DCDC2: variants seen among roughly 807,000 people sequenced by gnomAD.
The protein encoded by DCDC2 is doublecortin domain-containing protein 2.
DCDC2 carries 40 observed loss-of-function variants against 50.2 expected under a neutral mutation model. The ratio of observed to expected loss-of-function variants is 0.80; its 90% CI spans 0.62 to 1.04. The LOEUF is 1.04. Among genes scored for constraint, DCDC2 ranks in the 50% least tolerant of loss-of-function variants. The probability of loss-of-function intolerance (pLI) is 0.00; values close to 1 mark genes in which losing one functional copy is unlikely to be tolerated. For missense variants in DCDC2, 570 were observed against 581.9 expected (o/e 0.98, Z 0.21); for synonymous variants, 234 against 210.6 (o/e 1.11, Z -0.96).
At chr6:24,291,925 G>A (rs184138717) in intron 4 of DCDC2, among the ~76,000 whole-genome samples, 8 of 152,270 alleles carry the variant, frequency 5.3e-5, no homozygotes, top group Non-Finnish European at 1.2e-4. Context: ...AATGGGGTGA[G>A]AGGGCAGGAG....
intron 8 of DCDC2, among the ~76,000 whole-genome samples, chr6:24,200,447 C>T (rs930489891): frequency 3.9e-5 from 6 of 152,066 alleles, no homozygotes; most frequent in Non-Finnish European, 7.4e-5. Context: ...CCTTTACAGG[C>T]GAGTAAATCC....
chr6:24,298,018 T>A (rs1014592963), intron 4 of DCDC2, among the ~76,000 whole-genome samples: 3 of 152,226 alleles, frequency 2.0e-5, no homozygotes, highest in Admixed American at 6.5e-5. Context: ...GGTCCCCAAC[T>A]TTTTTAGCAC....
At chr6:24,235,380 T>C (rs1484740556) in intron 7 of DCDC2, among the ~76,000 whole-genome samples, 10 of 152,196 alleles carry the variant, frequency 6.6e-5, no homozygotes, top group African/African-American at 4.8e-5. Context: ...AAGGGTTCCA[T>C]AGATGTAAAA....
intron 7 of DCDC2, among the ~76,000 whole-genome samples, chr6:24,208,607 T>C (rs1229696677): frequency 1.3e-5 from 2 of 152,062 alleles, no homozygotes; most frequent in Non-Finnish European, 2.9e-5. Flanking sequence ...CAACCTCAGG[T>C]GATCCACCCT....
intron 2 of DCDC2, among the ~76,000 whole-genome samples, chr6:24,350,752 C>T (rs1374382595): frequency 6.6e-6 from 1 of 152,102 alleles, no homozygotes; most frequent in African/African-American, 2.4e-5. Flanking sequence ...TATTGATCTC[C>T]CTTTATATAT....
intron 9 of DCDC2, among the ~76,000 whole-genome samples, chr6:24,178,045 G>T (rs189300946): frequency 1.2e-4 from 18 of 152,090 alleles, no homozygotes; most frequent in Non-Finnish European, 2.6e-4. Flanking sequence ...AGAAGGCTCT[G>T]TACATTTTCT....
chr6:24,234,062 A>G lies in DCDC2; in HGVS notation c.923-28960T>C, dbSNP rs150463303. On this transcript the variant is annotated intron_variant, in intron 7 of 9. Coordinates refer to ENST00000378454, the MANE Select transcript of DCDC2 (RefSeq NM_016356.5). ...AGATTATGCACAATGACATAAAGAT[A>G]AACACTAATAAGCCAGACTTGTAAG... is the stretch of plus-strand genomic sequence containing the variant. Among the ~76,000 whole-genome samples the G allele has an allele frequency of 2.0e-4, 30 of 149,612 alleles. No homozygotes were observed. In the East Asian group the frequency reaches 5.8e-3, roughly 29 times the overall value.
intron 7 of DCDC2, among the ~76,000 whole-genome samples, chr6:24,242,610 G>C (rs372641562): frequency 4.6e-5 from 7 of 152,296 alleles, no homozygotes; most frequent in Admixed American, 3.3e-4. Flanking sequence ...GCTTGCCGAG[G>C]ACAGACTGTC....
At chr6:24,192,323 T>C (rs1248258408) in intron 8 of DCDC2, among the ~76,000 whole-genome samples, 2 of 152,112 alleles carry the variant, frequency 1.3e-5, no homozygotes, top group African/African-American at 4.8e-5. Context: ...TTACAGATAC[T>C]GAAACTTGGA....
chr6:24,302,016 T>C lies in DCDC2; in HGVS notation c.377A>G (p.Asn126Ser), dbSNP rs1759386459. 1.2e-6 allele frequency: 2 copies of C among 1,614,134 alleles called. No homozygotes were observed. Among genetic ancestry groups the C allele is most frequent in the Non-Finnish European group, 1.7e-6 (2 of 1,180,010 alleles). The change falls in exon 3 of 10, where the codon AAC (asparagine) becomes AGC (serine). Residue 126 changes from asparagine (N) to serine (S), a missense_variant. By Grantham distance (46) the Asn-to-Ser change is conservative. Transcript: ENST00000378454. ...CGGTTTTCTAAAGCGAGCTGACACG[T>C]TGATCCTGCTATGGATTACTGGTTT... is the stretch of plus-strand genomic sequence containing the variant. ...EVKPVIHSRINVSARFRKPLQ... is the reference protein window; with the variant it reads ...EVKPVIHSRISVSARFRKPLQ...
chr6:24,341,947 TAC>T (rs10540083), intron 2 of DCDC2, among the ~76,000 whole-genome samples: 102,164 of 151,654 alleles, frequency 0.67, 35,935 homozygotes, highest in East Asian at 0.8. Context: ...TGTGCACGCG[TAC>T]ACACACACAC....
intron 7 of DCDC2, among the ~76,000 whole-genome samples, chr6:24,243,405 T>C (rs1387708869): frequency 1.3e-5 from 2 of 152,192 alleles, no homozygotes; most frequent in Non-Finnish European, 2.9e-5. Flanking sequence ...CATGTGATTC[T>C]GGGTAAAGTA....
intron 7 of DCDC2, among the ~76,000 whole-genome samples, chr6:24,272,176 C>T (rs531469112): frequency 2.6e-5 from 4 of 152,310 alleles, no homozygotes; most frequent in Middle Eastern, 6.8e-3. Context: ...TTTTCAGTCT[C>T]TCAGTACTAA....
At chr6:24,359,006 ATATAT>A (rs1180722352), upstream of DCDC2, among the ~76,000 whole-genome samples, 2 of 55,822 alleles carry the variant, frequency 3.6e-5, no homozygotes, top group Non-Finnish European at 6.0e-5. Context: ...TATATATTTT[ATATAT>A]TATATATTTT....
intron 8 of DCDC2, among the ~76,000 whole-genome samples, chr6:24,180,067 T>C (rs545471900): frequency 1.2e-4 from 18 of 152,124 alleles, no homozygotes; most frequent in East Asian, 3.9e-4. Flanking sequence ...TACTGGCTGT[T>C]ACCTAACTTT....
At chr6:24,229,804 C>T (rs977937676) in intron 7 of DCDC2, among the ~76,000 whole-genome samples, 5 of 152,194 alleles carry the variant, frequency 3.3e-5, no homozygotes, top group African/African-American at 1.2e-4. Context: ...CACCAAACAA[C>T]AGGAAGGATG....
chr6:24,291,083 C>G lies in DCDC2; in HGVS notation c.558-5G>C, dbSNP rs748792618. On this transcript the variant is annotated splice_region_variant and splice_polypyrimidine_tract_variant and intron_variant, in intron 4 of 9. Coordinates refer to ENST00000378454, the MANE Select transcript of DCDC2 (RefSeq NM_016356.5). Reference sequence around the variant, plus strand: ...TTTCCTTCTAAAGTATAAAGCCTGTCGAAAATATGAACACCAACAATTAGA... The same window carrying G: ...TTTCCTTCTAAAGTATAAAGCCTGTGGAAAATATGAACACCAACAATTAGA... 6.2e-7 allele frequency: 1 copy of G among 1,605,520 alleles called. No homozygotes were observed. Among genetic ancestry groups the G allele is most frequent in the Non-Finnish European group, 8.5e-7 (1 of 1,177,452 alleles).
chr6:24,198,796 G>A (rs955755684), intron 8 of DCDC2, among the ~76,000 whole-genome samples: 1 of 152,132 alleles, frequency 6.6e-6, no homozygotes, highest in Non-Finnish European at 1.5e-5. Flanking sequence ...GTCTGAAGTC[G>A]ACCTGGGACA....
Position 24,255,100 on chromosome 6 carries a change from G to T in DCDC2, c.922+22949C>A, listed in dbSNP as rs562354344. On this transcript the variant is annotated intron_variant, in intron 7 of 9. Coordinates refer to ENST00000378454, the MANE Select transcript of DCDC2 (RefSeq NM_016356.5). ...ATAAAGCTAAAATAATTAAGGCAGT[G>T]CAGTACAAAGATAGACAACAGACCA... Among the ~76,000 whole-genome samples, 4 of 152,196 alleles carry T rather than the reference G, an allele frequency of 2.6e-5. No homozygotes were observed. The South Asian group carries it at 6.2e-4, about 24-fold the overall frequency.
Sources: gnomAD v4.1 joint callset for allele counts (sites outside exome capture counted in the v4.1 genomes callset) on GRCh38, gnomAD v4.1.1 for gene constraint, MANE v1.5 for transcripts, NCBI Gene and HGNC (gene_info 2026-07-23, HGNC 2026-07-21) for gene names.